Variants in GRID2 observed in about 807,000 individuals in gnomAD.
GRID2 encodes glutamate receptor ionotropic, delta-2.
A neutral mutation model predicts 114.8 loss-of-function variants in GRID2; 33 were observed. That is an observed-to-expected ratio of 0.29 (90% CI 0.22 to 0.38). The LOEUF is 0.38. Ranked by LOEUF, GRID2 falls within the 10% of genes least tolerant of loss-of-function variation. GRID2 has a pLI of 1.00. For synonymous variants in GRID2, 505 were observed against 449.9 expected, an observed-to-expected ratio of 1.12 and a Z score of -1.55; for missense variants, 1,184 against 1,257.7, an observed-to-expected ratio of 0.94 and a Z score of 0.89.
intron 9 of GRID2, among the ~76,000 whole-genome samples, chr4:93,415,667 G>T (rs140836542): frequency 1.9e-3 from 286 of 152,066 alleles, no homozygotes; most frequent in African/African-American, 6.5e-3. Context: ...AAAAAAAATT[G>T]TCTTGTCCAC....
At chr4:93,317,531 C>T (rs1312158038) in intron 8 of GRID2, among the ~76,000 whole-genome samples, 1 of 151,946 alleles carries the variant, frequency 6.6e-6, no homozygotes, top group East Asian at 1.9e-4. Flanking sequence ...AATTGTCTGC[C>T]ACAATTCTAA....
chr4:92,957,526 C>G (rs1752499443), intron 2 of GRID2, among the ~76,000 whole-genome samples: 1 of 151,926 alleles, frequency 6.6e-6, no homozygotes, highest in Non-Finnish European at 1.5e-5. Context: ...GTTCTCTTAC[C>G]AATACCACAC....
At chr4:93,321,623 A>G (rs969417332) in intron 8 of GRID2, among the ~76,000 whole-genome samples, 1 of 151,874 alleles carries the variant, frequency 6.6e-6, no homozygotes, top group African/African-American at 2.4e-5. Flanking sequence ...AACTTTTTAA[A>G]CCTAATATAT....
At chr4:92,779,831 A>G (rs1378140251) in intron 2 of GRID2, among the ~76,000 whole-genome samples, 2 of 152,166 alleles carry the variant, frequency 1.3e-5, no homozygotes, top group Non-Finnish European at 1.5e-5. Flanking sequence ...ATTGTTAGCC[A>G]ACAGTTTTCT....
chr4:92,533,183 TG>T (rs199874418), intron 1 of GRID2, among the ~76,000 whole-genome samples: 2 of 131,338 alleles, frequency 1.5e-5, no homozygotes, highest in Admixed American at 8.2e-5. Flanking sequence ...AACTTTGGTG[TG>T]TTTTTTTGTT....
intron 2 of GRID2, among the ~76,000 whole-genome samples, chr4:92,693,562 A>C (rs1734284002): frequency 6.6e-6 from 1 of 152,238 alleles, no homozygotes; most frequent in African/African-American, 2.4e-5. Flanking sequence ...TCTTTAACAC[A>C]GTACTGTGAG....
At chr4:92,449,687 A>C (rs1488815705) in intron 1 of GRID2, among the ~76,000 whole-genome samples, 1 of 129,872 alleles carries the variant, frequency 7.7e-6, no homozygotes, top group South Asian at 2.4e-4. Flanking sequence ...ATATATATAT[A>C]TATATATATA....
chr4:93,676,137 G>A (rs1216249913), intron 14 of GRID2, among the ~76,000 whole-genome samples: 2 of 152,184 alleles, frequency 1.3e-5, no homozygotes, highest in African/African-American at 4.8e-5. Flanking sequence ...AGAACAGTTA[G>A]ATAGACCAAT....
intron 14 of GRID2, among the ~76,000 whole-genome samples, chr4:93,721,307 G>A (rs1231457740): frequency 6.6e-6 from 1 of 152,112 alleles, no homozygotes; most frequent in African/African-American, 2.4e-5. Context: ...GGTAATGGAT[G>A]GATCAAAGTG....
intron 8 of GRID2, among the ~76,000 whole-genome samples, chr4:93,367,344 C>T (rs1283719093): frequency 6.6e-6 from 1 of 151,812 alleles, no homozygotes; most frequent in Non-Finnish European, 1.5e-5. Context: ...ATTTAGTTGC[C>T]TCTCTCCTTG....
chr4:92,703,347 G>A (rs1483571658), intron 2 of GRID2, among the ~76,000 whole-genome samples: 1 of 151,854 alleles, frequency 6.6e-6, no homozygotes, highest in Admixed American at 6.6e-5. Context: ...GAGTTCAAAG[G>A]GAAAGAACAT....
chr4:92,572,467 C>T lies in GRID2; in HGVS notation c.89-17664C>T, dbSNP rs2149193917. ...ATTCTACCTGAGGTACAAGGAGGAG[C>T]TGGTACCATTCCTTCTGAAATGATT... On this transcript the variant is annotated intron_variant, in intron 1 of 15. Coordinates refer to ENST00000282020, the MANE Select transcript of GRID2 (RefSeq NM_001510.4). Among the ~76,000 whole-genome samples the T allele has an allele frequency of 2.0e-5, 3 of 152,266 alleles. No individual in the cohort carries two copies. In the Middle Eastern group the frequency reaches 0.01, roughly 518 times the overall value.
chr4:93,125,079 G>C (rs1734145999), intron 4 of GRID2, among the ~76,000 whole-genome samples: 1 of 151,926 alleles, frequency 6.6e-6, no homozygotes, highest in African/African-American at 2.4e-5. Context: ...CTAGAGTATA[G>C]CCAAGATACC....
intron 4 of GRID2, among the ~76,000 whole-genome samples, chr4:93,117,976 A>G (rs1289016074): frequency 2.0e-5 from 3 of 152,120 alleles, no homozygotes; most frequent in Non-Finnish European, 4.4e-5. Flanking sequence ...ATTTTATAGA[A>G]CCTCGCTACT....
chr4:92,950,242 C>A (rs892730231), intron 2 of GRID2, among the ~76,000 whole-genome samples: 2 of 152,064 alleles, frequency 1.3e-5, no homozygotes, highest in African/African-American at 4.8e-5. Context: ...CTAATTTTTG[C>A]CTGTTGGCTC....
intron 2 of GRID2, among the ~76,000 whole-genome samples, chr4:92,600,044 G>GTGTGTATATATATATATA (rs1206780169): frequency 3.7e-5 from 2 of 54,454 alleles, no homozygotes; most frequent in Non-Finnish European, 6.9e-5. Flanking sequence ...GTGTGTGTGT[G>GTGTGTATATATATATATA]TATATATATA....
chr4:93,656,829 CAAAAAAAAAAAAAAA>C (rs61508444), intron 14 of GRID2, among the ~76,000 whole-genome samples: 1 of 31,902 alleles, frequency 3.1e-5, no homozygotes, highest in Non-Finnish European at 5.9e-5. Flanking sequence ...GACTCTGCCT[CAAAAAAAAAAAAAAA>C]AAAAAAAAAA....
Position 93,122,843 on chromosome 4 carries a change from G to T in GRID2, c.735+11890G>T, listed in dbSNP as rs557528737. Among the ~76,000 whole-genome samples, 75 of 140,546 alleles carry T rather than the reference G, an allele frequency of 5.3e-4. 1 individual carries two copies. The highest frequency in any genetic ancestry group is 1.9e-3 in the African/African-American group (70 of 37,548). The allele number at this position is 140,546 out of a possible 152,430, so 92.2% of individuals were successfully genotyped here. ...CTGAGTTTTAACTTTAGCTTTATAAGCTTGTATTGAAAGGCAGCTCTGTTA... is the reference window on the plus strand; with the variant it reads ...CTGAGTTTTAACTTTAGCTTTATAATCTTGTATTGAAAGGCAGCTCTGTTA... On this transcript the variant is annotated intron_variant, in intron 4 of 15. Coordinates refer to ENST00000282020, the MANE Select transcript of GRID2 (RefSeq NM_001510.4).
intron 1 of GRID2, among the ~76,000 whole-genome samples, chr4:92,315,468 A>G (rs538562712): frequency 6.6e-6 from 1 of 152,306 alleles, no homozygotes; most frequent in South Asian, 2.1e-4. Context: ...TCTATTTACT[A>G]GTTCATAGCT....
Sources: gnomAD v4.1 joint callset for allele counts (sites outside exome capture counted in the v4.1 genomes callset) on GRCh38, gnomAD v4.1.1 for gene constraint, MANE v1.5 for transcripts, NCBI Gene and HGNC (gene_info 2026-07-23, HGNC 2026-07-21) for gene names.